The following PC variants were observed in gnomAD, a reference collection of about 807,000 sequenced individuals.
PC encodes the protein pyruvate carboxylase, also known as pyruvate carboxylase, mitochondrial.
In PC, 46 loss-of-function variants were observed where a neutral mutation model predicts 107.8. The ratio of observed to expected loss-of-function variants is 0.43; its 90% confidence interval spans 0.34 to 0.55. PC has a LOEUF of 0.55. Among genes scored for constraint, PC ranks in the 20% least tolerant of loss-of-function variants. The pLI is 0.04. For synonymous variants in PC, 662 were observed against 684.7 expected (o/e 0.97, Z 0.52); for missense variants, 1,241 against 1,643.1 (o/e 0.76, Z 4.23).
At position 66,945,314 on chromosome 11, in the gene PC, A is replaced by G. The variant is rs2136141712; in HGVS notation, c.-1+7116T>C. On this transcript the variant is annotated intron_variant, in intron 3 of 22. Coordinates refer to ENST00000393960, the MANE Select transcript of PC (RefSeq NM_001040716.2). ...GCCTTGGGAGATACAGAGAATCTAA[A>G]GAATCTAAACTGTATCTATTTTGTA... 1.7e-5 allele frequency among the ~76,000 whole-genome samples: 2 copies of G among 115,152 alleles called. 1 individual carries two copies. Among genetic ancestry groups the G allele is most frequent in the South Asian group, 5.1e-4 (2 of 3,950 alleles). The allele number at this position is 115,152 out of a possible 152,430, so 75.5% of individuals were successfully genotyped here.
chr11:66,896,567 C>A (rs1033259141), intron 3 of PC, among the ~76,000 whole-genome samples: 2 of 152,218 alleles, frequency 1.3e-5, no homozygotes, highest in Admixed American at 1.3e-4. Flanking sequence ...GAGGGCACGC[C>A]AAGGGAGCAG....
chr11:66,921,497 G>C (rs193063834), intron 3 of PC, among the ~76,000 whole-genome samples: 1 of 152,260 alleles, frequency 6.6e-6, no homozygotes, highest in African/African-American at 2.4e-5. Context: ...CACAAGCACA[G>C]AAATGACAAA....
At position 66,866,194 on chromosome 11, in the gene PC, C is replaced by T. The variant is rs752021062; in HGVS notation, c.1178G>A (p.Arg393His). The part of the protein sequence containing the change: ...PARSFQPDTG[R>H]IEVFRSGEGM... ...TGCTCGAGCTCCGCCCACCTCAATG[C>T]GGCCGGTGTCCGGCTGGAAGCTGCG... The change falls in exon 11 of 23, where the codon CGC (arginine) becomes CAC (histidine). Residue 393 changes from arginine to histidine, a missense_variant. This residue lies in a region of PC where 1,143 missense variants were observed against 1,551.9 expected (regional missense o/e 0.74). Coordinates refer to ENST00000393960, the MANE Select transcript of PC (RefSeq NM_001040716.2). This position sits in a 1 kb window ranked among gnomAD's most constrained non-coding sequence, Gnocchi z 5.4. 11 of 1,608,142 alleles carry T rather than the reference C, an allele frequency of 6.8e-6. No individual in the cohort carries two copies. In the East Asian group the frequency reaches 1.3e-4, roughly 20 times the overall value.
intron 3 of PC, among the ~76,000 whole-genome samples, chr11:66,933,657 T>G (rs952554392): frequency 2.0e-5 from 3 of 152,122 alleles, no homozygotes; most frequent in African/African-American, 7.2e-5. Context: ...ACAACTTTTC[T>G]TCTGTGACAC....
chr11:66,873,966 CTTTT>C (rs1247452990), intron 3 of PC, among the ~76,000 whole-genome samples: 1 of 143,854 alleles, frequency 7.0e-6, no homozygotes, highest in South Asian at 2.2e-4. Flanking sequence ...TTTCTTTTTT[CTTTT>C]TTTTTTTGAG....
chr11:66,952,608 C>G (rs992261335), intron 2 of PC, 140 bp from the exon 3 acceptor site: 1 of 152,320 alleles, frequency 6.6e-6, no homozygotes, highest in Non-Finnish European at 1.5e-5. Flanking sequence ...ATGGCGCAAT[C>G]CCGGCTCACT....
intron 3 of PC, among the ~76,000 whole-genome samples, chr11:66,889,167 C>T (rs1418637537): frequency 3.3e-5 from 5 of 151,932 alleles, no homozygotes; most frequent in Non-Finnish European, 2.9e-5. Context: ...AAAGTGGGTA[C>T]ATGTGTGGGG....
At chr11:66,947,119 A>G (rs1286483732) in intron 3 of PC, among the ~76,000 whole-genome samples, 1 of 152,162 alleles carries the variant, frequency 6.6e-6, no homozygotes, top group African/African-American at 2.4e-5. Flanking sequence ...CACAGGATCC[A>G]GCCACTCCAC....
chr11:66,947,016 A>T (rs1050736104), intron 3 of PC, among the ~76,000 whole-genome samples: 1 of 152,154 alleles, frequency 6.6e-6, no homozygotes, highest in African/African-American at 2.4e-5. Flanking sequence ...GATGAAGAGA[A>T]ACTGGAACTC....
At chr11:66,899,380 G>A (rs1482595191) in intron 3 of PC, among the ~76,000 whole-genome samples, 1 of 152,068 alleles carries the variant, frequency 6.6e-6, no homozygotes, top group Non-Finnish European at 1.5e-5. Flanking sequence ...ATACGATGGT[G>A]GTCCCATAAT....
At chr11:66,946,573 A>G (rs1444054652) in intron 3 of PC, among the ~76,000 whole-genome samples, 1 of 152,056 alleles carries the variant, frequency 6.6e-6, no homozygotes, top group Admixed American at 6.6e-5. Context: ...GTAGGCCAAG[A>G]TCATGAAACC....
rs1044666481 is a variant in PC at position 66,946,638 on chromosome 11, T to A, written c.-1+5792A>T. 8.6e-5 allele frequency among the ~76,000 whole-genome samples: 13 copies of A among 151,964 alleles called. No individual in the cohort carries two copies. In the East Asian group the frequency reaches 1.2e-3, roughly 14 times the overall value. On this transcript the variant is annotated intron_variant, in intron 3 of 22. Transcript: ENST00000393960. ...TCCATCTCAAAAAAAAAATTTTTTT[T>A]AAATCAGCCAGGCATGACGTGCATG...
intron 3 of PC, among the ~76,000 whole-genome samples, chr11:66,897,535 GCACTC>G (rs1339833318): frequency 6.6e-6 from 1 of 152,164 alleles, no homozygotes; most frequent in East Asian, 1.9e-4. Context: ...TTATGCCACT[GCACTC>G]CAGCCTGGGC....
intron 3 of PC, among the ~76,000 whole-genome samples, chr11:66,934,745 C>T (rs1948951346): frequency 6.6e-6 from 1 of 152,192 alleles, no homozygotes; most frequent in African/African-American, 2.4e-5. Flanking sequence ...GATTTTCCTA[C>T]CTCAGCCTCC....
At chr11:66,931,235 C>T (rs555701992) in intron 3 of PC, among the ~76,000 whole-genome samples, 100 of 151,438 alleles carry the variant, frequency 6.6e-4, no homozygotes, top group Non-Finnish European at 1.2e-3. Flanking sequence ...AAAAATTAGC[C>T]GGGCATGGTG....
chr11:66,917,921 C>G (rs1948501062), intron 3 of PC, among the ~76,000 whole-genome samples: 1 of 152,154 alleles, frequency 6.6e-6, no homozygotes, highest in South Asian at 2.1e-4. Flanking sequence ...CCAGGAGGAC[C>G]TCCTGCTGCA....
In PC at chr11:66,850,209, G is replaced by A; in HGVS notation, c.2718+11C>T. The A allele has an allele frequency of 1.9e-6, 3 of 1,613,920 alleles. No individual in the cohort carries two copies. Among genetic ancestry groups the A allele is most frequent in the Non-Finnish European group, 2.5e-6 (3 of 1,180,016 alleles). On this transcript the variant is annotated intron_variant, in intron 19 of 22. Coordinates refer to ENST00000393960, the MANE Select transcript of PC (RefSeq NM_001040716.2). ...GGCTGGGTCAGGTAAGGAGCACCGG[G>A]CCGGGCTCACCTTGATGAGATCGCC...
chr11:66,861,552 G>A (rs181796571), intron 12 of PC, among the ~76,000 whole-genome samples: 4 of 152,004 alleles, frequency 2.6e-5, no homozygotes, highest in Non-Finnish European at 4.4e-5. Context: ...GGTGGGCTTC[G>A]AGAGCCTGGT....
At chr11:66,919,852 T>G (rs896215715) in intron 3 of PC, 2 of 152,112 alleles carry the variant, frequency 1.3e-5, no homozygotes, top group Non-Finnish European at 2.9e-5. Context: ...ACCTAAGCCA[T>G]AAGTCCTGGA....
Sources: allele counts gnomAD v4.1 joint callset (sites outside exome capture counted in the v4.1 genomes callset), GRCh38; gene constraint gnomAD v4.1.1; regional missense constraint gnomAD v4.1.1; non-coding constraint Gnocchi (gnomAD v3.1); transcripts MANE v1.5; gene names NCBI Gene and HGNC (gene_info 2026-07-23, HGNC 2026-07-21).